SEMA6A: variants seen among roughly 807,000 people sequenced by gnomAD.
SEMA6A encodes the protein semaphorin-6A.
Under a neutral mutation model 96.8 loss-of-function variants are expected in SEMA6A, and 25 were observed. The ratio of observed to expected loss-of-function variants is 0.26; its 90% CI spans 0.19 to 0.36. The LOEUF is 0.36. SEMA6A is among the 10% of genes least tolerant of loss of function. The probability of loss-of-function intolerance (pLI) is 1.00; values close to 1 mark genes in which losing one functional copy is unlikely to be tolerated. For missense variants in SEMA6A, 1,363 were observed against 1,323.1 expected (o/e 1.03, Z -0.47); for synonymous variants, 612 against 518.0 (o/e 1.18, Z -2.46).
chr5:116,500,392 A>T (rs750020691), intron 3 of SEMA6A, among the ~76,000 whole-genome samples: 1 of 152,214 alleles, frequency 6.6e-6, no homozygotes, highest in Non-Finnish European at 1.5e-5. Context: ...TGGGAATAAT[A>T]ATAGCTCCTT....
At chr5:116,562,790 GC>G (rs1222312933) in intron 1 of SEMA6A, 3 of 729,794 alleles carry the variant, frequency 4.1e-6, no homozygotes, top group Non-Finnish European at 7.8e-6. Flanking sequence ...TATGTTGGCT[GC>G]CCAGGATATG....
Position 116,573,330 on chromosome 5 carries a change from C to A in SEMA6A, c.-39+855G>T, listed in dbSNP as rs539660211. Among the ~76,000 whole-genome samples the A allele has an allele frequency of 4.6e-5, 7 of 152,090 alleles. No individual in the cohort carries two copies. In the East Asian group the frequency reaches 1.4e-3, roughly 30 times the overall value. On this transcript the variant is annotated intron_variant, in intron 1 of 18. Transcript: ENST00000343348. Reference sequence around the variant, plus strand: ...CTGGGTCATCTTTCCAGAGCGAGACCGCGCTGATCTGGGAGGAGGGCGTAC... The same window carrying A: ...CTGGGTCATCTTTCCAGAGCGAGACAGCGCTGATCTGGGAGGAGGGCGTAC...
intron 7 of SEMA6A, among the ~76,000 whole-genome samples, chr5:116,490,630 C>T (rs748344065): frequency 3.9e-5 from 6 of 152,138 alleles, no homozygotes; most frequent in Non-Finnish European, 7.3e-5. Flanking sequence ...GGGGAGAACC[C>T]GAGGAACCTG....
chr5:116,496,163 T>C (rs1757590154), intron 5 of SEMA6A, 88 bp downstream of exon 5: 3 of 1,116,270 alleles, frequency 2.7e-6, no homozygotes, highest in South Asian at 2.7e-5. Context: ...AAAAGCACAA[T>C]CCATTCTACA....
At chr5:116,456,792 T>C (rs763519834) in intron 18 of SEMA6A, among the ~76,000 whole-genome samples, 6 of 152,270 alleles carry the variant, frequency 3.9e-5, no homozygotes, top group Non-Finnish European at 7.4e-5. Flanking sequence ...TTGGACAGAG[T>C]GGCTTCCTTT....
chr5:116,494,460 C>T (rs1433050450), intron 6 of SEMA6A, among the ~76,000 whole-genome samples: 5 of 152,208 alleles, frequency 3.3e-5, no homozygotes, highest in South Asian at 2.1e-4. Flanking sequence ...TTCTTAAGGG[C>T]GGTGGTATTT....
rs199587153 is a variant in SEMA6A at position 116,561,964 on chromosome 5, A to AT, written c.-39+12220dup. On this transcript the variant is annotated intron_variant, in intron 1 of 18. Transcript: ENST00000343348. ...CCTGTACTCTGAACATCCCTTTATA[A>AT]TTTAAAAAAAAAAAGTATCCAAAAG... Among the ~76,000 whole-genome samples, 1,016 of 141,104 alleles carry AT rather than the reference A, an allele frequency of 7.2e-3. 9 individuals carry two copies. The highest frequency in any genetic ancestry group is 0.021 in the African/African-American group (820 of 38,694). The allele number at this position is 141,104 out of a possible 152,430, so 92.6% of individuals were successfully genotyped here.
chr5:116,513,158 G>C (rs772735740), intron 1 of SEMA6A, among the ~76,000 whole-genome samples: 5 of 151,298 alleles, frequency 3.3e-5, no homozygotes, highest in African/African-American at 1.2e-4. Context: ...ACGGAGTTTC[G>C]CTCTTGTTGT....
chr5:116,485,859 C>G (rs1025722055), intron 10 of SEMA6A, among the ~76,000 whole-genome samples: 1 of 152,164 alleles, frequency 6.6e-6, no homozygotes, highest in African/African-American at 2.4e-5. Context: ...CACAACAATA[C>G]GAGGACTCTG....
At chr5:116,564,871 T>TA (rs1223839561) in intron 1 of SEMA6A, among the ~76,000 whole-genome samples, 66 of 152,310 alleles carry the variant, frequency 4.3e-4, no homozygotes, top group Non-Finnish European at 1.5e-5. Flanking sequence ...GTGTCAAGTG[T>TA]AAAAAAGGAA....
intron 1 of SEMA6A, among the ~76,000 whole-genome samples, chr5:116,529,736 AG>A (rs1393595899): frequency 6.6e-6 from 1 of 152,190 alleles, no homozygotes; most frequent in African/African-American, 2.4e-5. Flanking sequence ...AAACTAACAC[AG>A]GAACAGAAAA....
At position 116,488,002 on chromosome 5, in the gene SEMA6A, T is replaced by C; in HGVS notation, c.744+106A>G. On this transcript the variant is annotated intron_variant, in intron 9 of 18. Transcript: ENST00000343348. ...AGGGCCTCCAGACCGCACTCTGTTA[T>C]TAGATTTATGGCTCTCATTTCAAGA... 11 of 692,674 alleles carry C rather than the reference T, an allele frequency of 1.6e-5. No homozygotes were observed. The South Asian group carries it at 2.2e-4, about 14-fold the overall frequency. The allele number at this position is 692,674 out of a possible 1,614,324, so 42.9% of individuals were successfully genotyped here. A position where few individuals can be genotyped will look rare whatever the true frequency, so the allele number is the denominator to read the frequency against.
At position 116,467,590 on chromosome 5, in the gene SEMA6A, G is replaced by C. The variant is rs750702607; in HGVS notation, c.1887C>G (p.Asp629Glu). The part of the protein sequence containing the change: ...LGAVSSHNHQ[D>E]KKGVIRESYL... ...GCATTTCCAAGGCCTTACCCTTCTTGTCTTGGTGATTATGGGAAGACACTG... is the reference window on the plus strand; with the variant it reads ...GCATTTCCAAGGCCTTACCCTTCTTCTCTTGGTGATTATGGGAAGACACTG... Residue 629 changes from aspartate (D) to glutamate (E), a missense_variant, in exon 18 of 19, where the codon GAC (aspartate) becomes GAG (glutamate). By Grantham distance (45) the Asp-to-Glu change is conservative. Coordinates refer to ENST00000343348, the MANE Select transcript of SEMA6A (RefSeq NM_020796.5). 2.9e-5 allele frequency: 46 copies of C among 1,612,316 alleles called. No homozygotes were observed. Among genetic ancestry groups the C allele is most frequent in the Non-Finnish European group, 3.6e-5 (43 of 1,179,440 alleles).
At chr5:116,556,475 C>T (rs991954978) in intron 1 of SEMA6A, among the ~76,000 whole-genome samples, 24 of 152,046 alleles carry the variant, frequency 1.6e-4, no homozygotes, top group Non-Finnish European at 2.8e-4. Context: ...TGTTTATGTA[C>T]CAGACATCAT....
At chr5:116,485,496 A>C (rs1359664512) in intron 10 of SEMA6A, among the ~76,000 whole-genome samples, 3 of 152,190 alleles carry the variant, frequency 2.0e-5, no homozygotes, top group Non-Finnish European at 4.4e-5. Context: ...CTTATATCTA[A>C]CTGAATACTT....
chr5:116,500,832 C>T (rs1175250506), intron 3 of SEMA6A, among the ~76,000 whole-genome samples: 4 of 152,058 alleles, frequency 2.6e-5, no homozygotes, highest in African/African-American at 9.7e-5. Context: ...ATGGTGGAAC[C>T]CCATCTCTAC....
chr5:116,458,547 G>A (rs574621264), intron 18 of SEMA6A, among the ~76,000 whole-genome samples: 9 of 152,154 alleles, frequency 5.9e-5, no homozygotes, highest in South Asian at 2.1e-4. Context: ...TTAAGTTGGC[G>A]TTTTAAAAGC....
intron 1 of SEMA6A, among the ~76,000 whole-genome samples, chr5:116,535,983 C>T (rs73780329): frequency 0.02 from 3,122 of 152,324 alleles, 105 homozygotes; most frequent in African/African-American, 0.071. Context: ...CTCAATTCTA[C>T]TGACTCAAAA....
chr5:116,517,633 C>T (rs1490233181), intron 1 of SEMA6A, among the ~76,000 whole-genome samples: 5 of 152,130 alleles, frequency 3.3e-5, no homozygotes, highest in South Asian at 2.1e-4. Context: ...GACAAAGGAC[C>T]GACAAGAACA....
Sources: gnomAD v4.1 joint callset for allele counts (sites outside exome capture counted in the v4.1 genomes callset) on GRCh38, gnomAD v4.1.1 for gene constraint, MANE v1.5 for transcripts, NCBI Gene and HGNC (gene_info 2026-07-23, HGNC 2026-07-21) for gene names.